The following DROSHA variants were observed in gnomAD, a reference collection of about 807,000 sequenced individuals.
DROSHA encodes ribonuclease 3.
Under a neutral mutation model 181.9 loss-of-function variants are expected in DROSHA, and 56 were observed. The ratio of observed to expected loss-of-function variants is 0.31; its 90% CI spans 0.25 to 0.38. DROSHA has a LOEUF of 0.38. Among genes scored for constraint, DROSHA ranks in the 10% least tolerant of loss-of-function variants. The pLI is 1.00. For synonymous variants in DROSHA, 524 were observed against 591.2 expected (o/e 0.89, Z 1.65); for missense variants, 1,218 against 1,743.5 (o/e 0.70, Z 5.37).
At chr5:31,484,380 CAAAA>C (rs377304788) in intron 15 of DROSHA, among the ~76,000 whole-genome samples, 1 of 82,988 alleles carries the variant, frequency 1.2e-5, no homozygotes, top group African/African-American at 6.0e-5. Flanking sequence ...GACTCCGTCT[CAAAA>C]AAAAAAAAAA....
intron 20 of DROSHA, among the ~76,000 whole-genome samples, chr5:31,462,418 G>T (rs551330687): frequency 6.6e-6 from 1 of 152,102 alleles, no homozygotes; most frequent in African/African-American, 2.4e-5. Flanking sequence ...AGTTTAATCG[G>T]GATCCCTTTT....
intron 30 of DROSHA, among the ~76,000 whole-genome samples, chr5:31,419,840 T>C (rs2149994322): frequency 1.3e-5 from 2 of 152,336 alleles, no homozygotes; most frequent in South Asian, 4.1e-4. Flanking sequence ...TGCAATTTAT[T>C]GTTTTTCTAA....
At chr5:31,460,994 G>T (rs1748342184) in intron 20 of DROSHA, among the ~76,000 whole-genome samples, 1 of 152,100 alleles carries the variant, frequency 6.6e-6, no homozygotes, top group African/African-American at 2.4e-5. Flanking sequence ...TAAGAACAAA[G>T]TAAAGGCCAA....
intron 30 of DROSHA, among the ~76,000 whole-genome samples, chr5:31,415,129 A>C (rs1046631453): frequency 1.3e-5 from 2 of 152,234 alleles, no homozygotes; most frequent in Non-Finnish European, 2.9e-5. Flanking sequence ...TAAAACATAC[A>C]TATTGACAAT....
intron 25 of DROSHA, among the ~76,000 whole-genome samples, chr5:31,434,301 A>G (rs1254051389): frequency 6.6e-6 from 1 of 152,220 alleles, no homozygotes; most frequent in Non-Finnish European, 1.5e-5. Context: ...TAAAAACAAT[A>G]AGGAATGGAG....
intron 21 of DROSHA, 78 bp from the exon 22 acceptor site, chr5:31,449,497 G>A (rs1045269063): frequency 6.8e-7 from 1 of 1,461,494 alleles, no homozygotes. Context: ...TAATCCTAAG[G>A]TGGAGGGACC....
At chr5:31,469,118 G>A (rs1046545432) in intron 17 of DROSHA, among the ~76,000 whole-genome samples, 15 of 152,244 alleles carry the variant, frequency 9.9e-5, no homozygotes, top group Non-Finnish European at 1.6e-4. Context: ...CAAACCTTTG[G>A]GAGGCCAAGG....
At position 31,514,260 on chromosome 5, in the gene DROSHA, C is replaced by CAT. The variant is rs1554046150; in HGVS notation, c.1290+726_1290+727dup. On this transcript the variant is annotated intron_variant, in intron 8 of 35. Coordinates refer to ENST00000344624, the MANE Select transcript of DROSHA (RefSeq NM_001382508.1). The surrounding 1 kb of genome is among the most constrained non-coding windows in gnomAD (Gnocchi z 4.4). ...ACACACACACACACACACACACACA[C>CAT]ATACACATACACACTACAAACTGCA... Among the ~76,000 whole-genome samples, 6,792 of 148,366 alleles carry CAT rather than the reference C, an allele frequency of 0.046. 1,060 individuals carry two copies. Among genetic ancestry groups the CAT allele is most frequent in the African/African-American group, 0.095 (3,771 of 39,826 alleles).
chr5:31,507,668 G>C (rs1738152963), intron 10 of DROSHA, among the ~76,000 whole-genome samples: 1 of 151,972 alleles, frequency 6.6e-6, no homozygotes, highest in Admixed American at 6.6e-5. Flanking sequence ...TTATTTTACG[G>C]GGGACAAAAA....
At chr5:31,408,349 C>T (rs559326738) in intron 33 of DROSHA, among the ~76,000 whole-genome samples, 1 of 152,222 alleles carries the variant, frequency 6.6e-6, no homozygotes, top group East Asian at 1.9e-4. Flanking sequence ...GAGATGCAAC[C>T]CACCTATTTC....
intron 25 of DROSHA, among the ~76,000 whole-genome samples, chr5:31,432,016 G>C (rs868150348): frequency 9.2e-5 from 14 of 152,006 alleles, no homozygotes; most frequent in African/African-American, 3.4e-4. Context: ...CAAGCCCCTG[G>C]GTTCATCCAA....
Position 31,526,545 on chromosome 5 carries a change from G to C in DROSHA, c.388C>G (p.Pro130Ala). Residue 130 changes from proline to alanine, a missense_variant, in exon 5 of 36, where the codon CCC becomes GCC. Coordinates refer to ENST00000344624, the MANE Select transcript of DROSHA (RefSeq NM_001382508.1). ...MPPPMPCPNN[P>A]PVPGAPPGQG... ...CCAGGAGGTGCCCCAGGGACTGGGG[G>C]GTTATTAGGACAAGGCATTGGTGGT... is the stretch of plus-strand genomic sequence containing the variant. 1 of 1,552,476 alleles carries C rather than the reference G, an allele frequency of 6.4e-7. No individual in the cohort carries two copies. The highest frequency in any genetic ancestry group is 8.7e-7 in the Non-Finnish European group (1 of 1,149,606).
At chr5:31,423,064 G>T in intron 28 of DROSHA, 120 bp from the exon 29 acceptor site, 2 of 921,676 alleles carry the variant, frequency 2.2e-6, no homozygotes, top group Non-Finnish European at 3.1e-6. Flanking sequence ...TTTCTGAAAT[G>T]CCAATAAAGC....
intron 13 of DROSHA, among the ~76,000 whole-genome samples, chr5:31,488,091 C>A (rs1476709986): frequency 1.3e-5 from 2 of 151,768 alleles, no homozygotes; most frequent in Non-Finnish European, 2.9e-5. Flanking sequence ...TATAAAAGAA[C>A]CAAAGAGGAG....
chr5:31,417,534 A>T (rs1286407148), intron 30 of DROSHA, among the ~76,000 whole-genome samples: 1 of 151,552 alleles, frequency 6.6e-6, no homozygotes, highest in Non-Finnish European at 1.5e-5. Flanking sequence ...ACCGGGTGAT[A>T]ACCATAAAAG....
intron 11 of DROSHA, among the ~76,000 whole-genome samples, chr5:31,498,871 C>T (rs1188221459): frequency 5.3e-5 from 8 of 150,914 alleles, no homozygotes; most frequent in African/African-American, 1.7e-4. Flanking sequence ...AAAAAAAAGA[C>T]GAGAAAAGGC....
intron 23 of DROSHA, 89 bp from the exon 24 acceptor site, chr5:31,437,387 G>T (rs996559911): frequency 1.7e-6 from 2 of 1,173,420 alleles, no homozygotes; most frequent in East Asian, 5.3e-5. Flanking sequence ...ACACATGAGG[G>T]TTAGCTCCTT....
At position 31,471,161 on chromosome 5, in the gene DROSHA, T is replaced by C. The variant is rs948393968; in HGVS notation, c.2241+902A>G. Among the ~76,000 whole-genome samples the C allele has an allele frequency of 2.0e-5, 3 of 152,210 alleles. No individual in the cohort carries two copies. In the East Asian group the frequency reaches 5.8e-4, roughly 29 times the overall value. ...AATGTTTTATTTGCAAATAGCAACA[T>C]TTTGTTTGTGCAGATGTTACTGTCA... On this transcript the variant is annotated intron_variant, in intron 17 of 35. Coordinates refer to ENST00000344624, the MANE Select transcript of DROSHA (RefSeq NM_001382508.1).
rs764880804 is a variant in DROSHA, at chr5:31,449,299, T to A, written c.2803A>T (p.Met935Leu). ...PKYGDRKVHHMHMRKKGINTL... is the reference protein window; with the variant it reads ...PKYGDRKVHHLHMRKKGINTL... ...GACATACCTTTCTTCCGCATGTGCA[T>A]GTGATGAACTTTTCTGTCTCCGTAT... Residue 935 changes from methionine to leucine, a missense_variant, in exon 22 of 36, where the codon ATG (methionine) becomes TTG (leucine). Coordinates refer to ENST00000344624, the MANE Select transcript of DROSHA (RefSeq NM_001382508.1). The A allele has an allele frequency of 2.0e-5, 32 of 1,613,796 alleles. No individual in the cohort carries two copies. In the South Asian group the frequency reaches 3.2e-4, roughly 16 times the overall value.
Sources: gnomAD v4.1 joint callset for allele counts (sites outside exome capture counted in the v4.1 genomes callset) on GRCh38, gnomAD v4.1.1 for gene constraint, Gnocchi (gnomAD v3.1) non-coding constraint, MANE v1.5 for transcripts, NCBI Gene and HGNC (gene_info 2026-07-23, HGNC 2026-07-21) for gene names.